SLC9C2: variants seen among roughly 807,000 people sequenced by gnomAD.
SLC9C2 encodes the protein solute carrier family 9 member C2 (putative), also known as sodium/hydrogen exchanger 11.
A neutral mutation model predicts 140.2 loss-of-function variants in SLC9C2; 75 were observed. The observed-to-expected ratio is 0.53, with a 90% CI of 0.44 to 0.65. The LOEUF (loss-of-function observed/expected upper bound fraction) is 0.65. SLC9C2 is among the 30% of genes least tolerant of loss of function. SLC9C2 has a pLI of 0.00. For synonymous variants in SLC9C2, 375 were observed against 420.9 expected, an observed-to-expected ratio of 0.89 and a Z score of 1.34; for missense variants, 1,074 against 1,331.8, an observed-to-expected ratio of 0.81 and a Z score of 3.01.
chr1:173,517,745 G>A, intron 22 of SLC9C2, 41 bp from the exon 23 acceptor site: 1 of 1,552,072 alleles, frequency 6.4e-7, no homozygotes, highest in East Asian at 2.3e-5. Flanking sequence ...AAGAAAAAAT[G>A]AAAAACCCTT....
chr1:173,597,048 T>C (rs1480559292), intron 4 of SLC9C2, among the ~76,000 whole-genome samples: 1 of 151,766 alleles, frequency 6.6e-6, no homozygotes, highest in Admixed American at 6.6e-5. Context: ...AACTTCATAA[T>C]AAAACAATCT....
chr1:173,569,544 C>T (rs751175345), intron 9 of SLC9C2, among the ~76,000 whole-genome samples: 24 of 152,218 alleles, frequency 1.6e-4, no homozygotes, highest in Middle Eastern at 3.4e-3. Context: ...CTTTCTACCC[C>T]TATTTCTTTC....
At chr1:173,556,886 C>T (rs1663743725) in intron 10 of SLC9C2, among the ~76,000 whole-genome samples, 1 of 151,304 alleles carries the variant, frequency 6.6e-6, no homozygotes, top group East Asian at 1.9e-4. Flanking sequence ...CAAGATTGCA[C>T]CACTGCACTC....
intron 17 of SLC9C2, among the ~76,000 whole-genome samples, chr1:173,532,672 A>G (rs1198639476): frequency 6.6e-6 from 1 of 152,170 alleles, no homozygotes; most frequent in East Asian, 1.9e-4. Context: ...TGGCACCAAG[A>G]TTTTTATTCT....
intron 9 of SLC9C2, among the ~76,000 whole-genome samples, chr1:173,558,524 ATC>A (rs1663871372): frequency 6.6e-6 from 1 of 152,226 alleles, no homozygotes; most frequent in African/African-American, 2.4e-5. Flanking sequence ...AAGCAAGTTA[ATC>A]TCTCTGTCTC....
Position 173,524,012 on chromosome 1 carries a change from A to G in SLC9C2, c.2597T>C (p.Ile866Thr). 1 of 1,613,576 alleles carries G rather than the reference A, an allele frequency of 6.2e-7. No individual in the cohort carries two copies. The highest frequency in any genetic ancestry group is 8.5e-7 in the Non-Finnish European group (1 of 1,179,788). ...PPTPDIYLHN[I>T]IWLEGKDVLI... ...AACATCTTTACCTTCCAGCCAAATG[A>G]TGTTGTGAAGGTATATGTCAGGAGT... Residue 866 changes from isoleucine (I) to threonine (T), a missense_variant, in exon 21 of 28, where the codon ATC becomes ACC. By Grantham distance (89) the Ile-to-Thr change is moderately conservative. Coordinates refer to ENST00000367714, the MANE Select transcript of SLC9C2 (RefSeq NM_178527.4).
At chr1:173,517,751 C>A (rs1660520129) in intron 22 of SLC9C2, 47 bp from the exon 23 acceptor site, 3 of 1,538,820 alleles carry the variant, frequency 1.9e-6, no homozygotes, top group East Asian at 2.3e-5. Flanking sequence ...AAATGAAAAA[C>A]CCTTTGATCA....
At chr1:173,531,013 C>G (rs1238522135) in intron 17 of SLC9C2, among the ~76,000 whole-genome samples, 1 of 152,142 alleles carries the variant, frequency 6.6e-6, no homozygotes, top group Non-Finnish European at 1.5e-5. Flanking sequence ...CTTGAGCTAT[C>G]CTTTAGGGCA....
At chr1:173,545,985 C>A (rs1662821338) in intron 13 of SLC9C2, among the ~76,000 whole-genome samples, 1 of 152,102 alleles carries the variant, frequency 6.6e-6, no homozygotes, top group African/African-American at 2.4e-5. Context: ...GTAGAAGCTA[C>A]AAATCTTCTC....
intron 4 of SLC9C2, among the ~76,000 whole-genome samples, chr1:173,590,204 T>C (rs1471400044): frequency 1.4e-5 from 2 of 143,954 alleles, no homozygotes; most frequent in Non-Finnish European, 1.5e-5. Flanking sequence ...GATTGTGCCA[T>C]GGCACTCCAG....
intron 23 of SLC9C2, among the ~76,000 whole-genome samples, chr1:173,512,479 T>C (rs1310172469): frequency 6.6e-6 from 1 of 152,186 alleles, no homozygotes; most frequent in Non-Finnish European, 1.5e-5. Flanking sequence ...ATAGCAATGC[T>C]TGTGATTTTT....
chr1:173,571,224 G>A (rs528118792), intron 9 of SLC9C2, among the ~76,000 whole-genome samples: 12 of 152,226 alleles, frequency 7.9e-5, no homozygotes, highest in Admixed American at 3.3e-4. Context: ...CCACTCTTAC[G>A]GGGCTGATGT....
At chr1:173,581,742 G>T (rs1665548056) in intron 7 of SLC9C2, 105 bp downstream of exon 7, 5 of 884,024 alleles carry the variant, frequency 5.7e-6, no homozygotes, top group Non-Finnish European at 8.1e-6. Context: ...CACACAGTGG[G>T]GCCACAAAAA....
In SLC9C2 at chr1:173,576,760, A is replaced by G; in HGVS notation, c.803T>C (p.Val268Ala). Residue 268 changes from valine to alanine, a missense_variant and splice_region_variant, in exon 8 of 28, where the codon GTG becomes GCG. By Grantham distance (64) the Val-to-Ala change is moderately conservative. Transcript: ENST00000367714. ...FSMVYMTFYI[V>A]EFLGMSGTLA... ...AGTGCCTGACATTCCTAAAAATTCC[A>G]CTGGGGAGAAAAAAAAAACAAATGA... 2 of 1,583,170 alleles carry G rather than the reference A, an allele frequency of 1.3e-6. No individual in the cohort carries two copies.
At chr1:173,535,560 C>T (rs997798642) in intron 15 of SLC9C2, among the ~76,000 whole-genome samples, 1 of 152,056 alleles carries the variant, frequency 6.6e-6, no homozygotes, top group Admixed American at 6.6e-5. Flanking sequence ...TTAAGCAGCC[C>T]GCAACACACT....
chr1:173,550,259 C>T (rs1333036607), intron 11 of SLC9C2, among the ~76,000 whole-genome samples: 2 of 151,894 alleles, frequency 1.3e-5, no homozygotes, highest in African/African-American at 2.4e-5. Flanking sequence ...AAAAAATGAG[C>T]TGGGTGTGGT....
intron 10 of SLC9C2, among the ~76,000 whole-genome samples, chr1:173,555,914 C>G (rs1463105695): frequency 6.6e-6 from 1 of 152,176 alleles, no homozygotes; most frequent in Non-Finnish European, 1.5e-5. Context: ...GATTGGATTT[C>G]TCCACATGCA....
chr1:173,575,530 G>T (rs1284761625), intron 8 of SLC9C2, among the ~76,000 whole-genome samples: 1 of 152,016 alleles, frequency 6.6e-6, no homozygotes, highest in East Asian at 1.9e-4. Context: ...GCACAAAACT[G>T]GAATAGTTTT....
At chr1:173,525,734 C>T (rs1256493944) in intron 19 of SLC9C2, among the ~76,000 whole-genome samples, 8 of 152,216 alleles carry the variant, frequency 5.3e-5, no homozygotes, top group Non-Finnish European at 1.0e-4. Context: ...GAAACAAGCA[C>T]TGCCTTTTAG....
Sources: allele counts gnomAD v4.1 joint callset (sites outside exome capture counted in the v4.1 genomes callset), GRCh38; gene constraint gnomAD v4.1.1; transcripts MANE v1.5; gene names NCBI Gene and HGNC (gene_info 2026-07-23, HGNC 2026-07-21).